ADGRV1: variants seen among roughly 807,000 people sequenced by gnomAD.
ADGRV1 encodes G-protein coupled receptor 98.
In ADGRV1, 359 loss-of-function variants were observed where a neutral mutation model predicts 596.2. The ratio of observed to expected loss-of-function variants is 0.60; its 90% CI spans 0.55 to 0.66. The LOEUF is 0.66. ADGRV1 is among the 30% of genes least tolerant of loss of function. The pLI is 0.00. For missense variants in ADGRV1, 7,274 were observed against 7,575.6 expected (o/e 0.96, Z 1.48); for synonymous variants, 2,681 against 2,679.2 (o/e 1.00, Z -0.02).
At chr5:90,704,595 G>A (rs919030645) in intron 36 of ADGRV1, 107 bp downstream of exon 36, 6 of 647,888 alleles carry the variant, frequency 9.3e-6, no homozygotes, top group Non-Finnish European at 1.6e-5. Context: ...TTTTTAAAAT[G>A]TTACTTTATT....
chr5:90,986,442 C>T (rs896812810), intron 85 of ADGRV1, among the ~76,000 whole-genome samples: 3 of 151,986 alleles, frequency 2.0e-5, no homozygotes, highest in Admixed American at 1.3e-4. Flanking sequence ...CAATTATATA[C>T]TTAATAAATA....
intron 87 of ADGRV1, among the ~76,000 whole-genome samples, chr5:91,114,427 T>C (rs1277737906): frequency 6.6e-6 from 1 of 152,004 alleles, no homozygotes; most frequent in Non-Finnish European, 1.5e-5. Context: ...CTCAGAAGGC[T>C]GAGGCAGGAG....
At chr5:91,026,902 G>A (rs538865640) in intron 85 of ADGRV1, among the ~76,000 whole-genome samples, 1 of 152,142 alleles carries the variant, frequency 6.6e-6, no homozygotes, top group South Asian at 2.1e-4. Flanking sequence ...AGCACTTTGG[G>A]AAGCCGAGGC....
intron 27 of ADGRV1, among the ~76,000 whole-genome samples, chr5:90,682,460 ACT>A (rs1299531477): frequency 6.6e-6 from 1 of 152,046 alleles, no homozygotes; most frequent in Non-Finnish European, 1.5e-5. Flanking sequence ...AATAACAATA[ACT>A]CTATATGATG....
At chr5:90,964,176 C>T (rs1465265982) in intron 83 of ADGRV1, among the ~76,000 whole-genome samples, 4 of 151,936 alleles carry the variant, frequency 2.6e-5, no homozygotes, top group African/African-American at 9.7e-5. Context: ...ATTTAAACAA[C>T]ATTTTGTTCC....
intron 89 of ADGRV1, 112 bp from the exon 90 acceptor site, chr5:91,163,666 CTTAT>C: frequency 1.9e-6 from 1 of 535,888 alleles, no homozygotes; most frequent in Non-Finnish European, 3.4e-6. Context: ...AAATGTATGG[CTTAT>C]TTTTTACTAA....
chr5:90,876,120 C>T (rs563407138), intron 83 of ADGRV1, among the ~76,000 whole-genome samples: 1 of 152,068 alleles, frequency 6.6e-6, no homozygotes, highest in Non-Finnish European at 1.5e-5. Context: ...TATCTGATAC[C>T]ACACTCCAAA....
At chr5:90,632,042 A>T (rs1765569757) in intron 9 of ADGRV1, among the ~76,000 whole-genome samples, 1 of 149,074 alleles carries the variant, frequency 6.7e-6, no homozygotes, top group Non-Finnish European at 1.5e-5. Flanking sequence ...ATTTAATGGA[A>T]TTTTTTTGAC....
chr5:90,604,665 T>G lies in ADGRV1; in HGVS notation c.23-10170T>G, dbSNP rs1377153809. Among the ~76,000 whole-genome samples, 4 of 152,314 alleles carry G rather than the reference T, an allele frequency of 2.6e-5. No homozygotes were observed. In the East Asian group the frequency reaches 7.7e-4, roughly 29 times the overall value. ...GTGAAATTGTTGCTGTTGATTTTTTTTTTAGACAGACGGGTGCCATCTAAT... is the reference window on the plus strand; with the variant it reads ...GTGAAATTGTTGCTGTTGATTTTTTGTTTAGACAGACGGGTGCCATCTAAT... On this transcript the variant is annotated intron_variant, in intron 1 of 89. Transcript: ENST00000405460.
At chr5:90,821,406 TCTCTC>T (rs1171920585) in intron 75 of ADGRV1, among the ~76,000 whole-genome samples, 1 of 151,768 alleles carries the variant, frequency 6.6e-6, no homozygotes, top group African/African-American at 2.4e-5. Flanking sequence ...GAAGCCTTCT[TCTCTC>T]AGCTCGTGAA....
Position 90,783,936 on chromosome 5 carries a change from ACT to A in ADGRV1, c.13536_13537del (p.Pro4513LeufsTer16). 1.2e-6 allele frequency: 2 copies of A among 1,612,068 alleles called. No individual in the cohort carries two copies. The highest frequency in any genetic ancestry group is 1.7e-6 in the Non-Finnish European group (2 of 1,179,162). On this transcript the variant is annotated frameshift_variant, in exon 67 of 90. Coordinates refer to ENST00000405460, the MANE Select transcript of ADGRV1 (RefSeq NM_032119.4). LOFTEE classifies it high-confidence loss of function. ...AGCAGAATCATAATAGCTAAGAGTG[ACT>A]CTCCCTTTGGAGTTATAAGGTTTCT...
chr5:91,096,885 C>T (rs1202438366), intron 86 of ADGRV1, among the ~76,000 whole-genome samples: 2 of 152,152 alleles, frequency 1.3e-5, no homozygotes, highest in Non-Finnish European at 2.9e-5. Context: ...ATTCTGCACT[C>T]CTCCCAGCCC....
chr5:90,811,169 C>A lies in ADGRV1; in HGVS notation c.15909C>A (p.Phe5303Leu). The A allele has an allele frequency of 1.9e-6, 3 of 1,613,724 alleles. No homozygotes were observed. The South Asian group carries it at 3.3e-5, about 18-fold the overall frequency. ...AAGAACAAACTCTTACCCTTATATT[C>A]CTAGATGGAGAAAGAGAACGTAAAG... Reference protein sequence around the residue: ...DFEEQTLTLIFLDGERERKVS... With the variant: ...DFEEQTLTLILLDGERERKVS... Residue 5303 changes from phenylalanine (F) to leucine (L), a missense_variant, in exon 74 of 90, where the codon TTC (phenylalanine) becomes TTA (leucine). This residue lies in a region of ADGRV1 where 1,874 missense variants were observed against 1,970.2 expected (regional missense o/e 0.95). Coordinates refer to ENST00000405460, the MANE Select transcript of ADGRV1 (RefSeq NM_032119.4).
chr5:90,695,389 T>A (rs1747052774), intron 33 of ADGRV1, among the ~76,000 whole-genome samples: 1 of 152,120 alleles, frequency 6.6e-6, no homozygotes, highest in East Asian at 1.9e-4. Flanking sequence ...GTTAGTATGT[T>A]TAAAATAGTT....
chr5:91,027,787 C>T (rs1267019714), intron 85 of ADGRV1, among the ~76,000 whole-genome samples: 8 of 152,130 alleles, frequency 5.3e-5, no homozygotes, highest in Non-Finnish European at 4.4e-5. Context: ...AAACAAGGAG[C>T]ATTGCTTTTT....
chr5:90,849,257 C>T (rs989347097), intron 79 of ADGRV1, among the ~76,000 whole-genome samples: 3 of 152,060 alleles, frequency 2.0e-5, no homozygotes, highest in African/African-American at 7.2e-5. Context: ...GACTAGTTGT[C>T]GGAAAGCTAG....
intron 58 of ADGRV1, among the ~76,000 whole-genome samples, chr5:90,761,685 C>A (rs1756528537): frequency 2.0e-5 from 3 of 152,142 alleles, no homozygotes; most frequent in African/African-American, 7.2e-5. Context: ...AATATCGTTA[C>A]AGCTACAAAT....
chr5:90,781,373 A>G (rs1229695086), intron 64 of ADGRV1, 57 bp from the exon 65 acceptor site: 22 of 1,267,526 alleles, frequency 1.7e-5, no homozygotes, highest in Non-Finnish European at 2.4e-5. Context: ...CTATGCAATT[A>G]TGTATTTTTT....
intron 1 of ADGRV1, among the ~76,000 whole-genome samples, chr5:90,569,381 ATATATATTTTTTTTTTTTTTTTTTTT>A (rs1756173598): frequency 1.0e-4 from 2 of 19,432 alleles, no homozygotes; most frequent in African/African-American, 2.6e-4. Flanking sequence ...ATATATATAT[ATATATATTTTTTTTTTTTTTTTTTTT>A]TTTTTTTTCT....
Sources: allele counts gnomAD v4.1 joint callset (sites outside exome capture counted in the v4.1 genomes callset), GRCh38; gene constraint gnomAD v4.1.1; regional missense constraint gnomAD v4.1.1; transcripts MANE v1.5; gene names NCBI Gene and HGNC (gene_info 2026-07-23, HGNC 2026-07-21).